Variants in BCO1 observed in about 807,000 individuals in gnomAD.
BCO1 encodes beta,beta-carotene 15,15'-dioxygenase.
Under a neutral mutation model 56.3 loss-of-function variants are expected in BCO1, and 54 were observed. The ratio of observed to expected loss-of-function variants is 0.96; its 90% CI spans 0.77 to 1.20. The LOEUF is 1.20. Ranked by LOEUF, BCO1 falls within the 50% of genes most tolerant of loss-of-function variation. The probability of loss-of-function intolerance (pLI) is 0.00; values close to 1 mark genes in which losing one functional copy is unlikely to be tolerated. For missense variants in BCO1, 801 were observed against 690.9 expected, an observed-to-expected ratio of 1.16 and a Z score of -1.79; for synonymous variants, 318 against 266.1, an observed-to-expected ratio of 1.20 and a Z score of -1.90.
chr16:81,280,001 G>A (rs944035103), intron 7 of BCO1, among the ~76,000 whole-genome samples: 29 of 151,880 alleles, frequency 1.9e-4, no homozygotes, highest in Admixed American at 1.7e-3. Context: ...GGTGGCTCAC[G>A]CCTGTAATCC....
chr16:81,277,349 C>G (rs779714028), intron 7 of BCO1, among the ~76,000 whole-genome samples: 2 of 152,168 alleles, frequency 1.3e-5, no homozygotes, highest in Non-Finnish European at 2.9e-5. Flanking sequence ...TCCCCCACGT[C>G]TACAGATGAG....
chr16:81,261,961 C>T, intron 3 of BCO1, 175 bp from the exon 4 acceptor site: 1 of 708,876 alleles, frequency 1.4e-6, no homozygotes, highest in Non-Finnish European at 2.5e-6. Flanking sequence ...CCAGGATGGT[C>T]TCAATCTCCT....
intron 7 of BCO1, among the ~76,000 whole-genome samples, chr16:81,280,652 G>A (rs2150639752): frequency 6.6e-6 from 1 of 152,230 alleles, no homozygotes; most frequent in East Asian, 1.9e-4. Flanking sequence ...ATGTGACCTT[G>A]GAGGAGTCAC....
chr16:81,251,869 CAT>C lies in BCO1; in HGVS notation c.193+6271_193+6272del, dbSNP rs1268369939. On this transcript the variant is annotated intron_variant, in intron 2 of 10. Coordinates refer to ENST00000258168, the MANE Select transcript of BCO1 (RefSeq NM_017429.3). Reference sequence around the variant, plus strand: ...ACACACACGCACACACACACACACACATATATGTGTGTGTGTGTGTGTATATA... The same window carrying C: ...ACACACACGCACACACACACACACACATATGTGTGTGTGTGTGTGTATATA... 1.2e-4 allele frequency among the ~76,000 whole-genome samples: 15 copies of C among 123,732 alleles called. No homozygotes were observed. The East Asian group carries it at 1.5e-3, about 12-fold the overall frequency. 81.2% of individuals were successfully genotyped at this position (123,732 alleles called of 152,430 possible).
intron 10 of BCO1, among the ~76,000 whole-genome samples, chr16:81,288,953 C>T (rs1220543757): frequency 6.6e-6 from 1 of 152,208 alleles, no homozygotes; most frequent in African/African-American, 2.4e-5. Context: ...ACTGTCATCT[C>T]CAAGGCGGGG....
chr16:81,287,076 A>C (rs1215304148), intron 9 of BCO1, among the ~76,000 whole-genome samples: 1 of 151,052 alleles, frequency 6.6e-6, no homozygotes, highest in Non-Finnish European at 1.5e-5. Context: ...ACTCCGTCTC[A>C]AAAAACAAAC....
chr16:81,279,700 G>C (rs1220332257), intron 7 of BCO1, among the ~76,000 whole-genome samples: 9 of 152,188 alleles, frequency 5.9e-5, no homozygotes, highest in Non-Finnish European at 1.3e-4. Flanking sequence ...GGGAGTAGTA[G>C]ATGCTCAATA....
At chr16:81,261,963 C>G (rs921893068) in intron 3 of BCO1, 173 bp from the exon 4 acceptor site, 14 of 719,116 alleles carry the variant, frequency 1.9e-5, no homozygotes, top group Non-Finnish European at 3.1e-5. Flanking sequence ...AGGATGGTCT[C>G]AATCTCCTGA....
intron 2 of BCO1, among the ~76,000 whole-genome samples, chr16:81,254,185 A>G (rs374534868): frequency 1.4e-3 from 208 of 151,878 alleles, no homozygotes; most frequent in African/African-American, 4.9e-3. Flanking sequence ...CAGGAGTTCA[A>G]TGGCACAGTC....
chr16:81,255,467 TATTA>T (rs1906071063), intron 2 of BCO1, among the ~76,000 whole-genome samples: 4 of 152,212 alleles, frequency 2.6e-5, no homozygotes, highest in African/African-American at 9.6e-5. Flanking sequence ...TTTATTTTGC[TATTA>T]ATTAACAAAT....
At chr16:81,255,009 C>T (rs1906040781) in intron 2 of BCO1, among the ~76,000 whole-genome samples, 1 of 152,180 alleles carries the variant, frequency 6.6e-6, no homozygotes, top group Non-Finnish European at 1.5e-5. Flanking sequence ...TCTTGAACTC[C>T]TGGGCTCAAG....
chr16:81,281,368 C>T (rs1288754435), intron 8 of BCO1, among the ~76,000 whole-genome samples: 1 of 152,112 alleles, frequency 6.6e-6, no homozygotes, highest in East Asian at 1.9e-4. Context: ...ATCACTTGAG[C>T]CCAGGAGGTG....
chr16:81,261,216 T>C lies in BCO1; in HGVS notation c.324-920T>C, dbSNP rs139223102. 3.3e-3 allele frequency among the ~76,000 whole-genome samples: 508 copies of C among 152,232 alleles called. 1 individual carries two copies. Among genetic ancestry groups the C allele is most frequent in the African/African-American group, 0.011 (471 of 41,548 alleles). Reference sequence around the variant, plus strand: ...GACCTGGAGGTCCTGGAACCAAGCCTCCTTTTTGTTCCAGTGTTTGCCAGT... The same window carrying C: ...GACCTGGAGGTCCTGGAACCAAGCCCCCTTTTTGTTCCAGTGTTTGCCAGT... On this transcript the variant is annotated intron_variant, in intron 3 of 10. Coordinates refer to ENST00000258168, the MANE Select transcript of BCO1 (RefSeq NM_017429.3).
rs1375325561 is a variant in BCO1 at position 81,242,042 on chromosome 16, G to T, written c.64+3070G>T. On this transcript the variant is annotated intron_variant, in intron 1 of 10. Transcript: ENST00000258168. ...CACAGTGGCTGGTGTATGAATGCAT[G>T]TAAGTGTTCTTGTCCTATCTAGGGC... is the stretch of plus-strand genomic sequence containing the variant. Among the ~76,000 whole-genome samples, 4 of 152,072 alleles carry T rather than the reference G, an allele frequency of 2.6e-5. No individual in the cohort carries two copies. In the East Asian group the frequency reaches 7.7e-4, roughly 29 times the overall value.
At chr16:81,251,874 A>G (rs77953045) in intron 2 of BCO1, among the ~76,000 whole-genome samples, 211 of 146,752 alleles carry the variant, frequency 1.4e-3, no homozygotes, top group African/African-American at 4.8e-3. Context: ...ACACACATAT[A>G]TGTGTGTGTG....
chr16:81,251,472 A>T (rs1248948384), intron 2 of BCO1, among the ~76,000 whole-genome samples: 1 of 152,090 alleles, frequency 6.6e-6, no homozygotes, highest in Non-Finnish European at 1.5e-5. Flanking sequence ...AGGCAGGAGG[A>T]TCACTTGAGC....
intron 2 of BCO1, among the ~76,000 whole-genome samples, chr16:81,247,762 G>A (rs561555120): frequency 9.9e-5 from 15 of 152,156 alleles, no homozygotes; most frequent in African/African-American, 3.4e-4. Flanking sequence ...CCAACCTCAG[G>A]TGATCTGCCC....
At chr16:81,267,283 T>A (rs984257642) in intron 5 of BCO1, among the ~76,000 whole-genome samples, 1 of 152,112 alleles carries the variant, frequency 6.6e-6, no homozygotes, top group Non-Finnish European at 1.5e-5. Flanking sequence ...AAATGGCCAT[T>A]CTACAGCCCC....
At chr16:81,246,850 CAAAAAA>C (rs71710906) in intron 2 of BCO1, among the ~76,000 whole-genome samples, 1 of 83,344 alleles carries the variant, frequency 1.2e-5, no homozygotes. Context: ...GACTTTGTCT[CAAAAAA>C]AAAAAAAAAA....
Sources: allele counts gnomAD v4.1 joint callset (sites outside exome capture counted in the v4.1 genomes callset), GRCh38; gene constraint gnomAD v4.1.1; transcripts MANE v1.5; gene names NCBI Gene and HGNC (gene_info 2026-07-23, HGNC 2026-07-21).